The following WDFY3 variants were observed in gnomAD, a reference collection of about 807,000 sequenced individuals.
WDFY3 encodes WD repeat and FYVE domain containing 3.
In WDFY3, 66 loss-of-function variants were observed where a neutral mutation model predicts 409.6. The ratio of observed to expected loss-of-function variants is 0.16; its 90% CI spans 0.13 to 0.20. The LOEUF is 0.20. Among genes scored for constraint, WDFY3 ranks in the 10% least tolerant of loss-of-function variants. The pLI is 1.00. For synonymous variants in WDFY3, 1,521 were observed against 1,537.1 expected (o/e 0.99, Z 0.25); for missense variants, 3,031 against 4,298.1 (o/e 0.71, Z 8.24).
intron 3 of WDFY3, among the ~76,000 whole-genome samples, chr4:84,869,168 G>T (rs150975476): frequency 6.6e-6 from 1 of 152,274 alleles, no homozygotes; most frequent in East Asian, 1.9e-4. Context: ...ACTTACACAA[G>T]ATATATCCCA....
chr4:84,744,725 C>T (rs1424165780), intron 36 of WDFY3, among the ~76,000 whole-genome samples: 37 of 148,700 alleles, frequency 2.5e-4, no homozygotes, highest in African/African-American at 9.1e-4. Flanking sequence ...TAGTGGCGGG[C>T]GCCTGTAGTC....
At chr4:84,801,917 G>A in intron 16 of WDFY3, 53 bp from the exon 17 acceptor site, 10 of 1,544,784 alleles carry the variant, frequency 6.5e-6, no homozygotes, top group Non-Finnish European at 8.9e-6. Context: ...TGAGAAAGAT[G>A]ACAATTCTTT....
At position 84,739,021 on chromosome 4, in the gene WDFY3, T is replaced by C; in HGVS notation, c.6563A>G (p.Asp2188Gly). 1 of 1,614,074 alleles carries C rather than the reference T, an allele frequency of 6.2e-7. No individual in the cohort carries two copies. The highest frequency in any genetic ancestry group is 8.5e-7 in the Non-Finnish European group (1 of 1,179,902). Residue 2188 changes from aspartate to glycine, a missense_variant, in exon 40 of 68, where the codon GAT (aspartate) becomes GGT (glycine). Asp to Gly is a moderately conservative substitution (Grantham distance 94). Around this residue, in one of 16 missense-constraint regions of WDFY3, gnomAD observed 314 missense variants for 397.4 expected, o/e 0.79. Coordinates refer to ENST00000295888, the MANE Select transcript of WDFY3 (RefSeq NM_014991.6). The part of the protein sequence containing the change: ...DIEPDGSYSQ[D>G]ISEGRQLLIK... Reference sequence around the variant, plus strand: ...GTCAAGGCAATTACCTTCACTAATATCTTGGCTGTAACTACCATCTGGTTC... The same window carrying C: ...GTCAAGGCAATTACCTTCACTAATACCTTGGCTGTAACTACCATCTGGTTC...
chr4:84,956,219 C>T (rs796585616), intron 1 of WDFY3, among the ~76,000 whole-genome samples: 3 of 152,294 alleles, frequency 2.0e-5, no homozygotes, highest in African/African-American at 7.2e-5. Context: ...GTGTTGACAA[C>T]ATACCAATTA....
At chr4:84,776,078 GA>G (rs1745499496) in intron 27 of WDFY3, among the ~76,000 whole-genome samples, 1 of 151,856 alleles carries the variant, frequency 6.6e-6, no homozygotes, top group African/African-American at 2.4e-5. Context: ...AATGTTTTTT[GA>G]AAATAATTGA....
At chr4:84,922,654 T>C (rs1223975996) in intron 2 of WDFY3, among the ~76,000 whole-genome samples, 33 of 152,034 alleles carry the variant, frequency 2.2e-4, no homozygotes. Flanking sequence ...AAAGTCTGTT[T>C]TGTTGTTTTT....
At chr4:84,752,252 G>A (rs1235949874) in intron 35 of WDFY3, among the ~76,000 whole-genome samples, 2 of 152,068 alleles carry the variant, frequency 1.3e-5, no homozygotes, top group Non-Finnish European at 2.9e-5. Context: ...AGTGGCTCAC[G>A]CCTGTAATCC....
chr4:84,850,978 G>GTTTTTTTTTTTTTTTTTTTTT (rs1758926024), intron 4 of WDFY3, among the ~76,000 whole-genome samples: 1 of 24,150 alleles, frequency 4.1e-5, no homozygotes, highest in Non-Finnish European at 7.4e-5. Flanking sequence ...TTGAGAACTG[G>GTTTTTTTTTTTTTTTTTTTTT]TTCTTGCTAT....
intron 9 of WDFY3, among the ~76,000 whole-genome samples, chr4:84,827,392 T>C (rs1392977117): frequency 1.3e-5 from 2 of 152,212 alleles, no homozygotes; most frequent in Non-Finnish European, 2.9e-5. Flanking sequence ...ATATACAGTA[T>C]GTTGTAACCT....
Position 84,796,592 on chromosome 4 carries a change from A to C in WDFY3, c.3096T>G (p.His1032Gln), listed in dbSNP as rs1225251433. The C allele has an allele frequency of 8.7e-6, 14 of 1,613,896 alleles. No individual in the cohort carries two copies. Among genetic ancestry groups the C allele is most frequent in the Non-Finnish European group, 1.2e-5 (14 of 1,179,944 alleles). ...CTGATGACCCATGAAGTCTGATGTC[A>C]TGTGGGGTTGTCATGGAGACCAGAC... The part of the protein sequence containing the change: ...VKCLVSMTTP[H>Q]DIRLHGSSVT... The change falls in exon 19 of 68, where the codon CAT (histidine) becomes CAG (glutamine). Residue 1032 changes from histidine (H) to glutamine (Q), a missense_variant. His to Gln is a conservative substitution (Grantham distance 24, BLOSUM62 0). Coordinates refer to ENST00000295888, the MANE Select transcript of WDFY3 (RefSeq NM_014991.6).
At chr4:84,778,425 GATAAA>G in intron 27 of WDFY3, 73 bp downstream of exon 27, 2 of 1,286,510 alleles carry the variant, frequency 1.6e-6, no homozygotes, top group Non-Finnish European at 2.1e-6. Flanking sequence ...ACATTTTAGA[GATAAA>G]ATAGTTTATA....
chr4:84,963,451 A>G (rs112790812), intron 1 of WDFY3, among the ~76,000 whole-genome samples: 1 of 151,118 alleles, frequency 6.6e-6, no homozygotes, highest in Admixed American at 6.6e-5. Flanking sequence ...AAGGTCAAGA[A>G]AAAAAAAAGA....
rs868592388 is a variant in WDFY3 at position 84,698,293 on chromosome 4, T to A, written c.8597-1470A>T. Among the ~76,000 whole-genome samples the A allele has an allele frequency of 2.5e-3, 370 of 149,798 alleles. 3 individuals carry two copies. Among genetic ancestry groups the A allele is most frequent in the East Asian group, 0.02 (102 of 5,142 alleles). Reference sequence around the variant, plus strand: ...TCTATATAATATATATATATATATTTTTTTTTTTTGAGACAGGGTCTTGCT... The same window carrying A: ...TCTATATAATATATATATATATATTATTTTTTTTTGAGACAGGGTCTTGCT... On this transcript the variant is annotated intron_variant, in intron 56 of 67. Coordinates refer to ENST00000295888, the MANE Select transcript of WDFY3 (RefSeq NM_014991.6).
chr4:84,833,710 A>G (rs957447567), intron 7 of WDFY3, among the ~76,000 whole-genome samples: 3 of 151,670 alleles, frequency 2.0e-5, no homozygotes, highest in Non-Finnish European at 4.4e-5. Context: ...AGAGAAGAGA[A>G]CAGAACAGAA....
chr4:84,753,972 G>A lies in WDFY3; in HGVS notation c.5560-96C>T, dbSNP rs1740977493. The A allele has an allele frequency of 3.8e-6, 5 of 1,308,166 alleles. No homozygotes were observed. In the East Asian group the frequency reaches 1.4e-4, roughly 35 times the overall value. 81.0% of individuals were successfully genotyped at this position (1,308,166 alleles called of 1,614,324 possible). ...CATTACTCAGTATTCTTATGAAACT[G>A]GATATATTGATGGTCCAGAACTCTG... is the stretch of plus-strand genomic sequence containing the variant. On this transcript the variant is annotated intron_variant, in intron 34 of 67. Transcript: ENST00000295888.
intron 32 of WDFY3, among the ~76,000 whole-genome samples, chr4:84,758,390 C>T (rs934927413): frequency 2.0e-5 from 3 of 152,094 alleles, no homozygotes; most frequent in Non-Finnish European, 4.4e-5. Context: ...GCACTACAGG[C>T]ACATGCAACC....
intron 3 of WDFY3, among the ~76,000 whole-genome samples, chr4:84,878,300 C>T (rs1763048577): frequency 2.0e-5 from 3 of 152,050 alleles, no homozygotes; most frequent in Admixed American, 1.3e-4. Context: ...AAACAGCTCA[C>T]TAGTGTCATA....
At chr4:84,888,507 A>G (rs1247923739) in intron 3 of WDFY3, among the ~76,000 whole-genome samples, 2 of 152,238 alleles carry the variant, frequency 1.3e-5, no homozygotes, top group African/African-American at 2.4e-5. Flanking sequence ...TCTTCTGTGA[A>G]TAAAATAATA....
Position 84,696,196 on chromosome 4 carries a change from C to G in WDFY3, c.8689-14G>C. The G allele has an allele frequency of 6.2e-7, 1 of 1,613,204 alleles. No homozygotes were observed. On this transcript the variant is annotated splice_polypyrimidine_tract_variant and intron_variant, in intron 57 of 67. Coordinates refer to ENST00000295888, the MANE Select transcript of WDFY3 (RefSeq NM_014991.6). ...ACACTCCAAAGCCTGTAATTTCAAACATAGGTTTAGTCACTGGCTGACTTC... is the reference window on the plus strand; with the variant it reads ...ACACTCCAAAGCCTGTAATTTCAAAGATAGGTTTAGTCACTGGCTGACTTC...
Sources: gnomAD v4.1 joint callset for allele counts (sites outside exome capture counted in the v4.1 genomes callset) on GRCh38, gnomAD v4.1.1 for gene constraint, gnomAD v4.1.1 regional missense constraint, MANE v1.5 for transcripts, NCBI Gene and HGNC (gene_info 2026-07-23, HGNC 2026-07-21) for gene names.